ANKS1B: variants seen among roughly 807,000 people sequenced by gnomAD.
ANKS1B encodes the protein ankyrin repeat and sterile alpha motif domain-containing protein 1B.
A neutral mutation model predicts 148.3 loss-of-function variants in ANKS1B; 36 were observed. The observed-to-expected ratio is 0.24, with a 90% CI of 0.19 to 0.32. ANKS1B has a LOEUF of 0.32. Ranked by LOEUF, ANKS1B falls within the 10% of genes least tolerant of loss-of-function variation. The probability of loss-of-function intolerance (pLI) is 1.00; values close to 1 mark genes in which losing one functional copy is unlikely to be tolerated. For synonymous variants in ANKS1B, 542 were observed against 560.8 expected (o/e 0.97, Z 0.47); for missense variants, 1,157 against 1,542.6 (o/e 0.75, Z 4.19).
At chr12:99,499,215 C>A (rs1040561195) in intron 10 of ANKS1B, among the ~76,000 whole-genome samples, 2 of 152,076 alleles carry the variant, frequency 1.3e-5, no homozygotes, top group Admixed American at 1.3e-4. Flanking sequence ...TTTTTAAAAA[C>A]CACAAAATTT....
In ANKS1B at chr12:98,745,864, G is replaced by C; in HGVS notation, c.3748-15C>G. ...GGGTCGATCTGCTTTAAAACAGAAA[G>C]GCTGATGCCTGTTATACGGTCGCCG... is the stretch of plus-strand genomic sequence containing the variant. On this transcript the variant is annotated splice_polypyrimidine_tract_variant and intron_variant, in intron 26 of 26. Transcript: ENST00000683438. 5.6e-6 allele frequency: 9 copies of C among 1,609,710 alleles called. No homozygotes were observed. The highest frequency in any genetic ancestry group is 7.6e-6 in the Non-Finnish European group (9 of 1,178,094).
At chr12:99,141,124 C>T (rs1373724671) in intron 15 of ANKS1B, among the ~76,000 whole-genome samples, 2 of 152,088 alleles carry the variant, frequency 1.3e-5, no homozygotes, top group Admixed American at 6.6e-5. Context: ...AATATCAATA[C>T]CTCTTTTTCT....
chr12:99,639,484 C>T (rs1167865945), intron 9 of ANKS1B, among the ~76,000 whole-genome samples: 2 of 151,956 alleles, frequency 1.3e-5, no homozygotes, highest in Non-Finnish European at 2.9e-5. Flanking sequence ...TTGGGAGGTA[C>T]CAGGGGTGGA....
intron 15 of ANKS1B, among the ~76,000 whole-genome samples, chr12:99,092,385 G>T (rs1032899572): frequency 7.8e-6 from 1 of 127,634 alleles, no homozygotes; most frequent in Admixed American, 8.0e-5. Flanking sequence ...AGAGCTATCT[G>T]AAGAAGAACG....
At chr12:98,861,110 C>T (rs1391042350) in intron 17 of ANKS1B, among the ~76,000 whole-genome samples, 1 of 152,158 alleles carries the variant, frequency 6.6e-6, no homozygotes, top group African/African-American at 2.4e-5. Context: ...CGGGAAGGAC[C>T]CCAAACTTCC....
intron 17 of ANKS1B, among the ~76,000 whole-genome samples, chr12:98,911,649 T>G (rs1029150163): frequency 3.3e-5 from 5 of 152,168 alleles, no homozygotes; most frequent in African/African-American, 9.7e-5. Flanking sequence ...TCCTACAGTC[T>G]GGTGTGTGCA....
At chr12:99,342,635 G>T (rs993627832) in intron 12 of ANKS1B, among the ~76,000 whole-genome samples, 1 of 151,998 alleles carries the variant, frequency 6.6e-6, no homozygotes, top group Non-Finnish European at 1.5e-5. Context: ...CGAGGCCAGA[G>T]TGGTAAACTC....
In ANKS1B at chr12:99,072,572, A is replaced by C. The variant is rs80339219; in HGVS notation, c.2625+12353T>G. On this transcript the variant is annotated intron_variant, in intron 16 of 26. Transcript: ENST00000683438. ...ATTGCAAGTTCCTTAAAGATGACTT[A>C]AGTGGATTATTTAGCTTACTCATCT... 4.0e-3 allele frequency among the ~76,000 whole-genome samples: 616 copies of C among 152,254 alleles called. 24 individuals are homozygous for C. The East Asian group carries it at 0.085, about 21-fold the overall frequency.
intron 9 of ANKS1B, 55 bp from the exon 10 acceptor site, chr12:99,504,696 A>G: frequency 7.6e-7 from 1 of 1,322,672 alleles, no homozygotes; most frequent in South Asian, 1.5e-5. Flanking sequence ...GCCTTGTTTA[A>G]TTTATAAAAA....
At chr12:99,358,019 C>G (rs1215582020) in intron 12 of ANKS1B, among the ~76,000 whole-genome samples, 3 of 151,786 alleles carry the variant, frequency 2.0e-5, no homozygotes, top group African/African-American at 7.3e-5. Context: ...TTCAAATTGT[C>G]TATTTTCTTT....
At chr12:99,676,922 G>C (rs570180083) in intron 8 of ANKS1B, among the ~76,000 whole-genome samples, 11 of 152,314 alleles carry the variant, frequency 7.2e-5, no homozygotes, top group Admixed American at 3.3e-4. Flanking sequence ...AGGGAGGAAT[G>C]GAGTAGGAAG....
At chr12:99,948,580 C>A (rs1171264397) in intron 1 of ANKS1B, among the ~76,000 whole-genome samples, 1 of 152,178 alleles carries the variant, frequency 6.6e-6, no homozygotes, top group African/African-American at 2.4e-5. Context: ...CAATTAAACA[C>A]TGCTGACCAT....
At chr12:99,785,919 C>CA (rs1402141055) in intron 4 of ANKS1B, among the ~76,000 whole-genome samples, 1 of 151,610 alleles carries the variant, frequency 6.6e-6, no homozygotes, top group South Asian at 2.1e-4. Context: ...AAAATGGAAA[C>CA]AAAAAAATAA....
At chr12:99,890,570 G>GGT (rs10603901) in intron 1 of ANKS1B, among the ~76,000 whole-genome samples, 3,977 of 137,818 alleles carry the variant, frequency 0.029, 60 homozygotes, top group East Asian at 0.059. Context: ...TCGCATTCAT[G>GGT]GTGTGTGTGT....
chr12:99,299,101 C>T (rs2081275492), intron 12 of ANKS1B, among the ~76,000 whole-genome samples: 1 of 151,664 alleles, frequency 6.6e-6, no homozygotes, highest in Non-Finnish European at 1.5e-5. Context: ...CACTCTGTCA[C>T]CCAGACTGGA....
chr12:99,582,783 C>A (rs921491044), intron 9 of ANKS1B, among the ~76,000 whole-genome samples: 2 of 152,078 alleles, frequency 1.3e-5, no homozygotes, highest in African/African-American at 4.8e-5. Flanking sequence ...TATCAAACCT[C>A]ATCAAATTGT....
chr12:99,898,545 A>G (rs1297872605), intron 1 of ANKS1B, among the ~76,000 whole-genome samples: 2 of 152,192 alleles, frequency 1.3e-5, no homozygotes, highest in African/African-American at 4.8e-5. Context: ...GTTTAAAAGA[A>G]AAAAAGCCCT....
At chr12:98,837,915 A>T (rs1201750919) in intron 17 of ANKS1B, among the ~76,000 whole-genome samples, 1 of 152,198 alleles carries the variant, frequency 6.6e-6, no homozygotes, top group East Asian at 1.9e-4. Flanking sequence ...TTCCCATTTT[A>T]GACACTTTAT....
chr12:99,960,328 A>T (rs2095392578), intron 1 of ANKS1B, among the ~76,000 whole-genome samples: 1 of 152,224 alleles, frequency 6.6e-6, no homozygotes, highest in Non-Finnish European at 1.5e-5. Context: ...AAGACAGATA[A>T]TCTGGCCTCA....
Sources: gnomAD v4.1 joint callset for allele counts (sites outside exome capture counted in the v4.1 genomes callset) on GRCh38, gnomAD v4.1.1 for gene constraint, MANE v1.5 for transcripts, NCBI Gene and HGNC (gene_info 2026-07-23, HGNC 2026-07-21) for gene names.